SLC24A4: variants seen among roughly 807,000 people sequenced by gnomAD.
SLC24A4 encodes sodium/potassium/calcium exchanger 4.
Under a neutral mutation model 79.0 loss-of-function variants are expected in SLC24A4, and 53 were observed. The observed-to-expected ratio is 0.67, with a 90% CI of 0.54 to 0.84. SLC24A4 has a LOEUF of 0.84. Among genes scored for constraint, SLC24A4 ranks in the 40% least tolerant of loss-of-function variants. SLC24A4 has a pLI of 0.00. For missense variants in SLC24A4, 731 were observed against 822.0 expected (o/e 0.89, Z 1.35); for synonymous variants, 323 against 323.8 (o/e 1.00, Z 0.03).
chr14:92,333,950 G>A (rs78753168), intron 2 of SLC24A4, among the ~76,000 whole-genome samples: 2,585 of 151,910 alleles, frequency 0.017, 88 homozygotes, highest in African/African-American at 0.058. Context: ...TCCCCTGTGC[G>A]GGGAGCAGAG....
At chr14:92,372,483 G>T (rs1023705178) in intron 2 of SLC24A4, among the ~76,000 whole-genome samples, 23 of 152,176 alleles carry the variant, frequency 1.5e-4, no homozygotes, top group Non-Finnish European at 2.8e-4. Flanking sequence ...AGCCCCTGGG[G>T]TGTCTGAGAG....
chr14:92,421,660 A>G (rs753906795), intron 2 of SLC24A4, among the ~76,000 whole-genome samples: 2 of 152,008 alleles, frequency 1.3e-5, no homozygotes, highest in East Asian at 1.9e-4. Flanking sequence ...GGCACCCACC[A>G]TCATGCCCGG....
intron 2 of SLC24A4, among the ~76,000 whole-genome samples, chr14:92,364,354 T>G (rs1595168496): frequency 6.6e-6 from 1 of 150,968 alleles, no homozygotes; most frequent in Non-Finnish European, 1.5e-5. Flanking sequence ...CAGAGCAGGG[T>G]GGGAAAGACA....
chr14:92,328,454 C>T (rs573459976), intron 2 of SLC24A4, among the ~76,000 whole-genome samples: 124 of 152,328 alleles, frequency 8.1e-4, no homozygotes, highest in African/African-American at 2.9e-3. Context: ...TGCGCTGGCC[C>T]GGTGTCCTTC....
chr14:92,335,714 G>T (rs1190630961), intron 2 of SLC24A4, among the ~76,000 whole-genome samples: 1 of 152,144 alleles, frequency 6.6e-6, no homozygotes, highest in Non-Finnish European at 1.5e-5. Flanking sequence ...TACCATTATG[G>T]TATCGTACAG....
intron 12 of SLC24A4, among the ~76,000 whole-genome samples, chr14:92,472,620 G>A (rs913752013): frequency 1.3e-5 from 2 of 152,014 alleles, no homozygotes; most frequent in Non-Finnish European, 2.9e-5. Context: ...TCATATATAT[G>A]TGCACATATC....
intron 2 of SLC24A4, among the ~76,000 whole-genome samples, chr14:92,410,848 G>A (rs1435614501): frequency 2.0e-5 from 3 of 152,210 alleles, no homozygotes; most frequent in Non-Finnish European, 4.4e-5. Flanking sequence ...TCTGGATGTG[G>A]TGAATTGCAC....
At chr14:92,325,089 C>T (rs1397892830) in intron 1 of SLC24A4, among the ~76,000 whole-genome samples, 1 of 152,148 alleles carries the variant, frequency 6.6e-6, no homozygotes, top group Non-Finnish European at 1.5e-5. Flanking sequence ...TTTTTCCCCC[C>T]TCAATTACAC....
intron 2 of SLC24A4, among the ~76,000 whole-genome samples, chr14:92,430,567 G>T: frequency 6.6e-6 from 1 of 152,238 alleles, no homozygotes; most frequent in South Asian, 2.1e-4. Context: ...CCTGCTCACA[G>T]TCGAGGATGG....
At chr14:92,492,941 C>A in intron 16 of SLC24A4, 1 of 444,498 alleles carries the variant, frequency 2.2e-6, no homozygotes, top group South Asian at 1.6e-5. Context: ...TAATTCCGTG[C>A]TTTAACCCTC....
At chr14:92,454,264 A>G (rs998076748) in intron 11 of SLC24A4, among the ~76,000 whole-genome samples, 195 bp downstream of exon 11, 1 of 152,230 alleles carries the variant, frequency 6.6e-6, no homozygotes. Context: ...GCAGCAATCG[A>G]ATACCTTGCC....
chr14:92,386,903 A>G (rs566815183), intron 2 of SLC24A4, among the ~76,000 whole-genome samples: 1 of 152,256 alleles, frequency 6.6e-6, no homozygotes, highest in East Asian at 1.9e-4. Context: ...GGAGGCTCCT[A>G]TAGCTGTGGA....
At chr14:92,400,257 G>T (rs542805396) in intron 2 of SLC24A4, among the ~76,000 whole-genome samples, 1 of 152,050 alleles carries the variant, frequency 6.6e-6, no homozygotes, top group South Asian at 2.1e-4. Flanking sequence ...AGGCCAACAT[G>T]GTGAAACCCC....
In SLC24A4 at chr14:92,381,418, C is replaced by G. The variant is rs925993309; in HGVS notation, c.242-52494C>G. Among the ~76,000 whole-genome samples, 3 of 152,084 alleles carry G rather than the reference C, an allele frequency of 2.0e-5. No homozygotes were observed. In the South Asian group the frequency reaches 6.2e-4, roughly 32 times the overall value. Reference sequence around the variant, plus strand: ...GACACGGGGAGGGGAACATCATACCCTGGGGCCTGTCAGGACGGTGGGGAA... The same window carrying G: ...GACACGGGGAGGGGAACATCATACCGTGGGGCCTGTCAGGACGGTGGGGAA... On this transcript the variant is annotated intron_variant, in intron 2 of 16. Coordinates refer to ENST00000532405, the MANE Select transcript of SLC24A4 (RefSeq NM_153646.4).
intron 2 of SLC24A4, among the ~76,000 whole-genome samples, chr14:92,410,973 T>A (rs1431710219): frequency 6.6e-6 from 1 of 152,220 alleles, no homozygotes; most frequent in Admixed American, 6.5e-5. Context: ...CCGTGGGAAG[T>A]GTGTTCATGT....
chr14:92,440,105 G>C (rs1422156875), intron 4 of SLC24A4, among the ~76,000 whole-genome samples: 1 of 152,198 alleles, frequency 6.6e-6, no homozygotes, highest in Non-Finnish European at 1.5e-5. Context: ...TGGGAGGGTG[G>C]GTTGTTCAGG....
chr14:92,403,440 T>A (rs1890215106), intron 2 of SLC24A4, among the ~76,000 whole-genome samples: 1 of 152,016 alleles, frequency 6.6e-6, no homozygotes, highest in Admixed American at 6.6e-5. Context: ...ACCCCGTCTC[T>A]ACTAAAAATA....
At chr14:92,369,581 A>C (rs1282105017) in intron 2 of SLC24A4, among the ~76,000 whole-genome samples, 1 of 152,232 alleles carries the variant, frequency 6.6e-6, no homozygotes, top group Non-Finnish European at 1.5e-5. Context: ...AATTGGAGAA[A>C]TCTTAATATG....
intron 2 of SLC24A4, among the ~76,000 whole-genome samples, chr14:92,341,222 A>G (rs1011553743): frequency 2.6e-5 from 4 of 152,190 alleles, no homozygotes; most frequent in South Asian, 2.1e-4. Flanking sequence ...CTTCTGTGAA[A>G]TGCCCTCTGG....
Sources: allele counts gnomAD v4.1 joint callset (sites outside exome capture counted in the v4.1 genomes callset), GRCh38; gene constraint gnomAD v4.1.1; transcripts MANE v1.5; gene names NCBI Gene and HGNC (gene_info 2026-07-23, HGNC 2026-07-21).